TENM3: variants seen among roughly 807,000 people sequenced by gnomAD.
The protein encoded by TENM3 is teneurin transmembrane protein 3.
TENM3 carries 63 observed loss-of-function variants against 255.1 expected under a neutral mutation model. The ratio of observed to expected loss-of-function variants is 0.25; its 90% CI spans 0.20 to 0.30. The LOEUF is 0.30. Among genes scored for constraint, TENM3 ranks in the 10% least tolerant of loss-of-function variants. The pLI, the probability that TENM3 is intolerant of heterozygous loss-of-function variation, is 1.00. For synonymous variants in TENM3, 1,306 were observed against 1,322.3 expected (o/e 0.99, Z 0.27); for missense variants, 2,929 against 3,461.1 (o/e 0.85, Z 3.86).
chr4:181,769,988 C>A, the TENM3 span, among the ~76,000 whole-genome samples: 1 of 151,966 alleles, frequency 6.6e-6, no homozygotes, highest in African/African-American at 2.4e-5. Flanking sequence ...AAATAAAATA[C>A]AGTTGTATTT....
the TENM3 span, among the ~76,000 whole-genome samples, chr4:181,622,365 C>T: frequency 6.1e-4 from 93 of 152,198 alleles, no homozygotes; most frequent in South Asian, 2.9e-3. Context: ...TTTCTTGAAA[C>T]CTTCTTCTTA....
rs1329058609 is a variant in TENM3 at position 182,722,148 on chromosome 4, G to A, written c.2369-6817G>A. On this transcript the variant is annotated intron_variant, in intron 13 of 27. Coordinates refer to ENST00000511685, the MANE Select transcript of TENM3 (RefSeq NM_001080477.4). ...TTCTGAGATGAGACATAGTGTTACA[G>A]GATTTCATATAATTTCTTCTAATAC... 2.0e-5 allele frequency among the ~76,000 whole-genome samples: 3 copies of A among 152,068 alleles called. No individual in the cohort carries two copies. The South Asian group carries it at 6.2e-4, about 32-fold the overall frequency.
chr4:182,789,144 G>A lies in TENM3; in HGVS notation c.5356G>A (p.Glu1786Lys). The change falls in exon 25 of 28, where the codon GAA becomes AAA. Residue 1786 changes from glutamate to lysine, a missense_variant. Transcript: ENST00000511685. The surrounding 1 kb of genome is among the most constrained non-coding windows in gnomAD (Gnocchi z 4.4). ...TGACTTTGATCGAACAACAAAGACAGAAAAGATCTATGACGACCACCGTAA... is the reference window on the plus strand; with the variant it reads ...TGACTTTGATCGAACAACAAAGACAAAAAAGATCTATGACGACCACCGTAA... ...SVDFDRTTKT[E>K]KIYDDHRKFL... 1.2e-6 allele frequency: 2 copies of A among 1,612,462 alleles called. No homozygotes were observed. The highest frequency in any genetic ancestry group is 1.7e-5 in the Admixed American group (1 of 59,878).
the TENM3 span, among the ~76,000 whole-genome samples, chr4:181,939,958 A>C: frequency 6.6e-6 from 1 of 152,216 alleles, no homozygotes; most frequent in East Asian, 1.9e-4. Flanking sequence ...AAATATCGTG[A>C]CAAGCAATTG....
At chr4:182,084,782 A>C in the TENM3 span, 1 of 152,332 alleles carries the variant, frequency 6.6e-6, no homozygotes. Flanking sequence ...GTAGTGGATT[A>C]ATAAGATTTA....
intron 3 of TENM3, among the ~76,000 whole-genome samples, chr4:182,535,598 A>T (rs1003816368): frequency 2.0e-5 from 3 of 152,012 alleles, no homozygotes; most frequent in African/African-American, 7.3e-5. Flanking sequence ...AAAATTAGCC[A>T]GGTGTGGTGG....
chr4:182,354,651 A>G (rs932853410), intron 3 of TENM3, among the ~76,000 whole-genome samples: 2 of 152,222 alleles, frequency 1.3e-5, no homozygotes, highest in Admixed American at 1.3e-4. Flanking sequence ...GAATGGTTTG[A>G]ATACTAACTT....
At chr4:181,985,915 A>G in the TENM3 span, among the ~76,000 whole-genome samples, 1 of 151,904 alleles carries the variant, frequency 6.6e-6, no homozygotes, top group Non-Finnish European at 1.5e-5. Context: ...AGTTACCTGC[A>G]CCCTTTTTCC....
intron 1 of TENM3, among the ~76,000 whole-genome samples, chr4:182,272,684 T>A (rs1455966227): frequency 6.6e-6 from 1 of 152,144 alleles, no homozygotes; most frequent in African/African-American, 2.4e-5. Flanking sequence ...TTGTTGAACG[T>A]TTATGGAGCT....
the TENM3 span, among the ~76,000 whole-genome samples, chr4:181,665,644 C>CAT: frequency 6.7e-6 from 1 of 149,580 alleles, no homozygotes; most frequent in Non-Finnish European, 1.5e-5. Context: ...CATACACACA[C>CAT]ATATATACAT....
chr4:182,546,443 T>G (rs1466199150), intron 3 of TENM3, among the ~76,000 whole-genome samples: 1 of 151,990 alleles, frequency 6.6e-6, no homozygotes, highest in Non-Finnish European at 1.5e-5. Flanking sequence ...TTTTTTTTGT[T>G]GTTTGTTTTT....
chr4:181,979,751 G>A, the TENM3 span, among the ~76,000 whole-genome samples: 643 of 152,320 alleles, frequency 4.2e-3, 6 homozygotes, highest in African/African-American at 0.015. Flanking sequence ...TGGAAACTGA[G>A]GCTCAGAGAA....
chr4:182,502,910 C>CTTTTTT (rs10671906), intron 3 of TENM3, among the ~76,000 whole-genome samples: 4 of 77,370 alleles, frequency 5.2e-5, no homozygotes, highest in Admixed American at 1.4e-4. Context: ...TGAAGTCAGC[C>CTTTTTT]TTTTTTTTTT....
intron 3 of TENM3, among the ~76,000 whole-genome samples, chr4:182,593,191 A>G (rs1186602200): frequency 6.6e-6 from 1 of 152,234 alleles, no homozygotes; most frequent in Non-Finnish European, 1.5e-5. Context: ...TAAGAGGGCT[A>G]AGGCCAGAGG....
At chr4:182,005,429 T>A in the TENM3 span, among the ~76,000 whole-genome samples, 5 of 152,328 alleles carry the variant, frequency 3.3e-5, no homozygotes, top group African/African-American at 1.2e-4. Flanking sequence ...TTCATCTATA[T>A]GTCTGTTTTG....
chr4:182,355,813 G>T (rs564390450), intron 3 of TENM3, among the ~76,000 whole-genome samples: 2 of 151,910 alleles, frequency 1.3e-5, no homozygotes, highest in South Asian at 4.1e-4. Flanking sequence ...AAAGTATTTT[G>T]TCTATGGTAA....
intron 1 of TENM3, among the ~76,000 whole-genome samples, chr4:182,156,582 G>A (rs1288032180): frequency 1.3e-5 from 2 of 151,436 alleles, no homozygotes; most frequent in Admixed American, 6.6e-5. Flanking sequence ...TGAAAATCTA[G>A]ACAAAATATG....
chr4:182,319,870 T>A (rs892200699), intron 1 of TENM3, among the ~76,000 whole-genome samples: 2 of 152,172 alleles, frequency 1.3e-5, no homozygotes, highest in African/African-American at 4.8e-5. Context: ...CCCAACCCTT[T>A]GGGAGGCCAA....
chr4:182,418,904 A>G (rs1770585804), intron 3 of TENM3, among the ~76,000 whole-genome samples: 1 of 152,140 alleles, frequency 6.6e-6, no homozygotes, highest in Non-Finnish European at 1.5e-5. Context: ...TGCTGGGGCC[A>G]AGGACAGTGC....
Sources: gnomAD v4.1 joint callset for allele counts (sites outside exome capture counted in the v4.1 genomes callset) on GRCh38, gnomAD v4.1.1 for gene constraint, Gnocchi (gnomAD v3.1) non-coding constraint, MANE v1.5 for transcripts, NCBI Gene and HGNC (gene_info 2026-07-23, HGNC 2026-07-21) for gene names.